The following SIGLEC10 variants were observed in gnomAD, a reference collection of about 807,000 sequenced individuals.
SIGLEC10 encodes the protein sialic acid-binding Ig-like lectin 10.
SIGLEC10 carries 45 observed loss-of-function variants against 68.3 expected under a neutral mutation model. The ratio of observed to expected loss-of-function variants is 0.66; its 90% CI spans 0.52 to 0.84. The LOEUF (loss-of-function observed/expected upper bound fraction) is 0.84, where lower values mean the gene tolerates loss of function less well. Among genes scored for constraint, SIGLEC10 ranks in the 40% least tolerant of loss-of-function variants. The pLI, the probability that SIGLEC10 is intolerant of heterozygous loss-of-function variation, is 0.00. For missense variants in SIGLEC10, 789 were observed against 883.1 expected (o/e 0.89, Z 1.35); for synonymous variants, 379 against 370.8 (o/e 1.02, Z -0.26).
rs188949206 is a variant in SIGLEC10, at chr19:51,415,468, C to T, written c.1073-30G>A. 25 of 1,609,850 alleles carry T rather than the reference C, an allele frequency of 1.6e-5. No individual in the cohort carries two copies. The East Asian group carries it at 5.4e-4, about 35-fold the overall frequency. ...GGAAGGAAGAGGCAGAATCGATGAG[C>T]AGCTCAGGGCTCAGGGACCCTCCTG... On this transcript the variant is annotated intron_variant, in intron 6 of 10. Transcript: ENST00000339313.
Position 51,411,310 on chromosome 19 carries a change from G to C in SIGLEC10, c.1883C>G (p.Ala628Gly), listed in dbSNP as rs568599581. The C allele has an allele frequency of 3.0e-5, 48 of 1,614,172 alleles. No homozygotes were observed. The highest frequency in any genetic ancestry group is 4.0e-5 in the Non-Finnish European group (47 of 1,180,030). Residue 628 changes from alanine (A) to glycine (G), a missense_variant, in exon 11 of 11, where the codon GCT (alanine) becomes GGT (glycine). Coordinates refer to ENST00000339313, the MANE Select transcript of SIGLEC10 (RefSeq NM_033130.5). ...NSPRTPLPPG[A>G]PSPESKKNQK... ...GTTCTTCTTTGATTCTGGGGAGGGA[G>C]CACCTGGTGGAAGAGGGGTCCGAGG...
rs1406836761 is a variant in SIGLEC10, at chr19:51,410,939, G to A, written c.*160C>T. The stretch of plus-strand genomic sequence containing the variant: ...GCTGGGATTACAGGCGTGAGCCACT[G>A]TGCCCTGGCCAGATGTTTTTTTAAA... On this transcript the variant is annotated 3_prime_UTR_variant, in exon 11 of 11. Coordinates refer to ENST00000339313, the MANE Select transcript of SIGLEC10 (RefSeq NM_033130.5). 9 of 860,948 alleles carry A rather than the reference G, an allele frequency of 1.0e-5. No individual in the cohort carries two copies. Among genetic ancestry groups the A allele is most frequent in the Non-Finnish European group, 1.6e-5 (9 of 572,252 alleles). 53.3% of individuals were successfully genotyped at this position (860,948 alleles called of 1,614,324 possible).
intron 10 of SIGLEC10, among the ~76,000 whole-genome samples, chr19:51,413,416 G>A (rs115094421): frequency 1.3e-5 from 2 of 152,286 alleles, no homozygotes; most frequent in Middle Eastern, 3.4e-3. Flanking sequence ...AAGCAGTTAA[G>A]TGTAGTCATG....
chr19:51,415,495 G>A (rs1203942019), intron 6 of SIGLEC10, 57 bp from the exon 7 acceptor site: 23 of 1,613,878 alleles, frequency 1.4e-5, no homozygotes, highest in Middle Eastern at 3.3e-4. Flanking sequence ...ACCCTCCTGC[G>A]TGGGGACCCT....
chr19:51,415,997 C>T lies in SIGLEC10; in HGVS notation c.925G>A (p.Glu309Lys), dbSNP rs1241623020. 5.6e-6 allele frequency: 9 copies of T among 1,613,472 alleles called. No homozygotes were observed. Among genetic ancestry groups the T allele is most frequent in the Non-Finnish European group, 7.6e-6 (9 of 1,180,002 alleles). Reference sequence around the variant, plus strand: ...TCCCCAGCCTTCACCCCGGGCAGCTCCAGCCCCAGGGGTCTAGGGCCCCAG... The same window carrying T: ...TCCCCAGCCTTCACCCCGGGCAGCTTCAGCCCCAGGGGTCTAGGGCCCCAG... ...HPWGPRPLGL[E>K]LPGVKAGDSG... Residue 309 changes from glutamate to lysine, a missense_variant, in exon 5 of 11, where the codon GAG (glutamate) becomes AAG (lysine). Glu to Lys is a moderately conservative substitution (Grantham distance 56). Coordinates refer to ENST00000339313, the MANE Select transcript of SIGLEC10 (RefSeq NM_033130.5).
chr19:51,415,802 G>A (rs553243748), intron 5 of SIGLEC10, 96 bp downstream of exon 5: 30 of 1,585,570 alleles, frequency 1.9e-5, no homozygotes, highest in Non-Finnish European at 2.5e-5. Context: ...TCCGAGGCCT[G>A]GGGCTCCAGG....
At position 51,413,804 on chromosome 19, in the gene SIGLEC10, T is replaced by G. The variant is rs1164132647; in HGVS notation, c.1729A>C (p.Arg577=). 1 of 1,614,128 alleles carries G rather than the reference T, an allele frequency of 6.2e-7. No homozygotes were observed. Among genetic ancestry groups the G allele is most frequent in the Non-Finnish European group, 8.5e-7 (1 of 1,180,010 alleles). ...ALIIMKILPK[R]RTQTETPRPR... is the part of the protein sequence containing the mutation. ...CTCGGGGTTTCTGTCTGAGTCCGTC[T>G]CTTCGGTAGAATCTTCATGCTGAGG... Residue 577 remains arginine (R), a synonymous_variant, in exon 10 of 11, where the codon AGA becomes CGA. Coordinates refer to ENST00000339313, the MANE Select transcript of SIGLEC10 (RefSeq NM_033130.5).
chr19:51,417,219 T>G lies in SIGLEC10; in HGVS notation c.284A>C (p.Asp95Ala). Residue 95 changes from aspartate to alanine, a missense_variant, in exon 2 of 11, where the codon GAT becomes GCT. By Grantham distance (126) the Asp-to-Ala change is moderately radical. Transcript: ENST00000339313. The stretch of plus-strand genomic sequence containing the variant: ...CAAGGAGCAGTTCCCCTTGGCGGGA[T>G]CCCCAGTGAGCTGGAATCGGCCCCG... ...STRGRFQLTG[D>A]PAKGNCSLVI... 6.2e-7 allele frequency: 1 copy of G among 1,614,238 alleles called. No homozygotes were observed. Among genetic ancestry groups the G allele is most frequent in the Non-Finnish European group, 8.5e-7 (1 of 1,180,030 alleles).
Position 51,415,395 on chromosome 19 carries a change from C to T in SIGLEC10, c.1116G>A (p.Glu372=). The T allele has an allele frequency of 6.2e-7, 1 of 1,609,494 alleles. No individual in the cohort carries two copies. The highest frequency in any genetic ancestry group is 8.5e-7 in the Non-Finnish European group (1 of 1,177,486). Residue 372 remains glutamate (E), a synonymous_variant, in exon 7 of 11, where the codon GAG becomes GAA. Coordinates refer to ENST00000339313, the MANE Select transcript of SIGLEC10 (RefSeq NM_033130.5). ...CACAGACCAGGCACAGGCTTTGGCC[C>T]TCCAGTACTGGGAGAGACGTGCCGT... ...LGNGTSLPVL[E]GQSLCLVCVT... is the part of the protein sequence containing the mutation.
Position 51,415,108 on chromosome 19 carries a change from TCTGAGG to T in SIGLEC10, c.1331-6_1331-1del, listed in dbSNP as rs1988455500. The T allele has an allele frequency of 6.4e-7, 1 of 1,571,480 alleles. No individual in the cohort carries two copies. Among genetic ancestry groups the T allele is most frequent in the Admixed American group, 1.9e-5 (1 of 52,744 alleles). On this transcript the variant is annotated splice_acceptor_variant and splice_polypyrimidine_tract_variant and intron_variant, in intron 7 of 10. Transcript: ENST00000339313. LOFTEE classifies it high-confidence loss of function. ...GGAGGGGCCCAGCAGCTTCGGGGAG[TCTGAGG>T]GGAGGGAGGACAGGACTCAGCAGGG...
chr19:51,412,105 G>A (rs1474788053), intron 10 of SIGLEC10, among the ~76,000 whole-genome samples: 1 of 152,066 alleles, frequency 6.6e-6, no homozygotes, highest in Admixed American at 6.6e-5. Context: ...CCTTGCCACT[G>A]CACTCCAGCC....
Position 51,417,478 on chromosome 19 carries a change from A to G in SIGLEC10, c.38-13T>C. On this transcript the variant is annotated splice_polypyrimidine_tract_variant and intron_variant, in intron 1 of 10. Transcript: ENST00000339313. ...ATAGCCTGGGACCCTGTGGGGAGACAGAGGCTCAACCTGCAACCCCAGCCC... is the reference window on the plus strand; with the variant it reads ...ATAGCCTGGGACCCTGTGGGGAGACGGAGGCTCAACCTGCAACCCCAGCCC... The G allele has an allele frequency of 6.2e-7, 1 of 1,613,802 alleles. No individual in the cohort carries two copies. The highest frequency in any genetic ancestry group is 8.5e-7 in the Non-Finnish European group (1 of 1,179,778).
rs552020927 is a variant in SIGLEC10, at chr19:51,415,530, G to T, written c.1072+38C>A. On this transcript the variant is annotated intron_variant, in intron 6 of 10. Coordinates refer to ENST00000339313, the MANE Select transcript of SIGLEC10 (RefSeq NM_033130.5). ...TCCAGACTCCTGGGCCCCCAATTCG[G>T]CACTGAGAGGCCTTGGCTCCTCTGT... The T allele has an allele frequency of 1.6e-4, 260 of 1,613,902 alleles. 4 individuals are homozygous for T. In the South Asian group the frequency reaches 2.5e-3, roughly 16 times the overall value.
At position 51,411,183 on chromosome 19, in the gene SIGLEC10, G is replaced by A. The variant is rs781572659; in HGVS notation, c.2010C>T (p.Leu670=). Residue 670 remains leucine (L), a synonymous_variant, in exon 11 of 11, where the codon CTC becomes CTT. Transcript: ENST00000339313. ...GCCTGGGTCTGACGCCTGGGAAGTTGAGCGTGGCATAATGGAGCTCCTCTT... is the reference window on the plus strand; with the variant it reads ...GCCTGGGTCTGACGCCTGGGAAGTTAAGCGTGGCATAATGGAGCTCCTCTT... ...ESQEELHYAT[L]NFPGVRPRPE... is the part of the protein sequence containing the mutation. The A allele has an allele frequency of 4.3e-6, 7 of 1,614,090 alleles. No individual in the cohort carries two copies. Among genetic ancestry groups the A allele is most frequent in the African/African-American group, 1.3e-5 (1 of 74,918 alleles).
chr19:51,415,228 C>G lies in SIGLEC10; in HGVS notation c.1283G>C (p.Arg428Pro). Residue 428 changes from arginine to proline, a missense_variant, in exon 7 of 11, where the codon CGG (arginine) becomes CCG (proline). By Grantham distance (103) the Arg-to-Pro change is moderately radical (BLOSUM62 -2). Coordinates refer to ENST00000339313, the MANE Select transcript of SIGLEC10 (RefSeq NM_033130.5). The stretch of plus-strand genomic sequence containing the variant: ...GACGTGCTGGGAGCCCAGTGGGTGC[C>G]GAGCGTGGCAGGTGAACTCTCCTTC... Reference protein sequence around the residue: ...EHEGEFTCHARHPLGSQHVSL... With the variant: ...EHEGEFTCHAPHPLGSQHVSL... 1 of 1,613,408 alleles carries G rather than the reference C, an allele frequency of 6.2e-7. No homozygotes were observed. The highest frequency in any genetic ancestry group is 8.5e-7 in the Non-Finnish European group (1 of 1,179,616).
At position 51,410,970 on chromosome 19, in the gene SIGLEC10, GAGAA is replaced by G. The variant is rs369643472; in HGVS notation, c.*125_*128del. 10 of 1,121,454 alleles carry G rather than the reference GAGAA, an allele frequency of 8.9e-6. No homozygotes were observed. The highest frequency in any genetic ancestry group is 2.7e-4 in the Middle Eastern group (1 of 3,638). The allele number at this position is 1,121,454 out of a possible 1,614,324, so 69.5% of individuals were successfully genotyped here. A position where few individuals can be genotyped will look rare whatever the true frequency, so the allele number is the denominator to read the frequency against. Reference sequence around the variant, plus strand: ...TGGCCAGATGTTTTTTTAAAAGAGAGAGAAAGAGAGAGAGAGAGAGAAAGAGAGA... The same window carrying G: ...TGGCCAGATGTTTTTTTAAAAGAGAGAGAGAGAGAGAGAGAGAAAGAGAGA... On this transcript the variant is annotated 3_prime_UTR_variant, in exon 11 of 11. Transcript: ENST00000339313.
At chr19:51,416,413 G>GA in intron 3 of SIGLEC10, 56 bp from the exon 4 acceptor site, 3 of 1,613,712 alleles carry the variant, frequency 1.9e-6, no homozygotes, top group South Asian at 1.1e-5. Context: ...CTCACACCTG[G>GA]AAAAAACTCC....
intron 10 of SIGLEC10, among the ~76,000 whole-genome samples, chr19:51,412,022 A>T (rs771139944): frequency 6.0e-5 from 9 of 148,976 alleles, no homozygotes; most frequent in Non-Finnish European, 1.0e-4. Context: ...GGATGCCTGT[A>T]ATCCCAGCTA....
chr19:51,415,290 G>T lies in SIGLEC10; in HGVS notation c.1221C>A (p.Pro407=). Residue 407 remains proline, a synonymous_variant, in exon 7 of 11, where the codon CCC becomes CCA. Coordinates refer to ENST00000339313, the MANE Select transcript of SIGLEC10 (RefSeq NM_033130.5). ...GAACCCGAGGCAGCTCCAGGACCCC[G>T]GGGTCTGAGGGCTGGGAGGGGCTCA... ...QVLSPSQPSD[P]GVLELPRVQV... is the part of the protein sequence containing the mutation. 6.2e-7 allele frequency: 1 copy of T among 1,614,070 alleles called. No homozygotes were observed.
Sources: allele counts gnomAD v4.1 joint callset (sites outside exome capture counted in the v4.1 genomes callset), GRCh38; gene constraint gnomAD v4.1.1; transcripts MANE v1.5; gene names NCBI Gene and HGNC (gene_info 2026-07-23, HGNC 2026-07-21).